The following NAALADL2 variants were observed in gnomAD, a reference collection of about 807,000 sequenced individuals.
The protein encoded by NAALADL2 is inactive N-acetylated-alpha-linked acidic dipeptidase-like protein 2.
Under a neutral mutation model 87.2 loss-of-function variants are expected in NAALADL2, and 76 were observed. That is an observed-to-expected ratio of 0.87 (90% CI 0.72 to 1.05). The LOEUF (loss-of-function observed/expected upper bound fraction) is 1.05. Among genes scored for constraint, NAALADL2 ranks in the 50% least tolerant of loss-of-function variants. The pLI is 0.00. For missense variants in NAALADL2, 1,089 were observed against 945.8 expected (o/e 1.15, Z -1.99); for synonymous variants, 354 against 331.0 (o/e 1.07, Z -0.75).
At chr3:174,443,460 C>T (rs73881157) in intron 1 of NAALADL2, among the ~76,000 whole-genome samples, 2,190 of 152,222 alleles carry the variant, frequency 0.014, 51 homozygotes, top group African/African-American at 0.05. Context: ...TTGGAAAGAA[C>T]AGGAAGAAGA....
At chr3:174,855,118 C>T (rs1243828426), upstream of NAALADL2, among the ~76,000 whole-genome samples, 2 of 152,164 alleles carry the variant, frequency 1.3e-5, no homozygotes, top group South Asian at 2.1e-4. Flanking sequence ...GGATTACAGG[C>T]GTGAGTCACT....
chr3:175,771,011 T>A (rs1378323014), intron 13 of NAALADL2, among the ~76,000 whole-genome samples: 3 of 152,202 alleles, frequency 2.0e-5, no homozygotes, highest in Non-Finnish European at 4.4e-5. Flanking sequence ...GAATATCACA[T>A]GGGTGAATAG....
chr3:175,667,235 GAAAGAAAAAGA>G (rs768154077), intron 11 of NAALADL2, among the ~76,000 whole-genome samples: 1 of 112,548 alleles, frequency 8.9e-6, no homozygotes, highest in African/African-American at 4.5e-5. Flanking sequence ...AAGAAAGAAA[GAAAGAAAAAGA>G]AAGAAAGAAA....
At chr3:175,662,804 T>A (rs1732440462) in intron 11 of NAALADL2, among the ~76,000 whole-genome samples, 1 of 152,026 alleles carries the variant, frequency 6.6e-6, no homozygotes, top group South Asian at 2.1e-4. Context: ...TTCATTGATT[T>A]GTATATGTTG....
At chr3:175,621,879 A>G (rs901477932) in intron 10 of NAALADL2, among the ~76,000 whole-genome samples, 1 of 152,122 alleles carries the variant, frequency 6.6e-6, no homozygotes, top group Non-Finnish European at 1.5e-5. Flanking sequence ...AACTGTACCT[A>G]AGTAGACACT....
At chr3:174,928,083 AAGTC>A (rs1454985133) in intron 1 of NAALADL2, among the ~76,000 whole-genome samples, 1 of 152,182 alleles carries the variant, frequency 6.6e-6, no homozygotes, top group Admixed American at 6.5e-5. Flanking sequence ...AAAGAGAAAA[AAGTC>A]AGGAAATACA....
At chr3:175,133,722 G>A (rs1184950707) in intron 2 of NAALADL2, among the ~76,000 whole-genome samples, 2 of 152,090 alleles carry the variant, frequency 1.3e-5, no homozygotes, top group Non-Finnish European at 1.5e-5. Context: ...GAAAGAGAGG[G>A]AGAGGGAGAC....
chr3:174,817,462 C>T (rs1414187659), intron 3 of NAALADL2, among the ~76,000 whole-genome samples: 1 of 152,024 alleles, frequency 6.6e-6, no homozygotes, highest in Admixed American at 6.6e-5. Context: ...ATTAGACAGG[C>T]ACGGTGCCAC....
chr3:174,928,365 G>C (rs763200072), intron 1 of NAALADL2, among the ~76,000 whole-genome samples: 3 of 151,952 alleles, frequency 2.0e-5, no homozygotes, highest in Admixed American at 2.0e-4. Flanking sequence ...TCATCCTCTC[G>C]AGTACCTGGG....
At chr3:175,158,798 T>C (rs894200195) in intron 2 of NAALADL2, among the ~76,000 whole-genome samples, 4 of 152,052 alleles carry the variant, frequency 2.6e-5, no homozygotes, top group African/African-American at 9.7e-5. Flanking sequence ...TTCTTGAAAT[T>C]GTCAGAAAAT....
intron 2 of NAALADL2, among the ~76,000 whole-genome samples, chr3:175,223,486 G>A (rs34826322): frequency 1.3e-5 from 2 of 152,000 alleles, no homozygotes; most frequent in African/African-American, 4.8e-5. Context: ...GGCTGAATGA[G>A]AGAGTTCATT....
chr3:174,947,180 ATAT>A (rs1049183449), intron 1 of NAALADL2, among the ~76,000 whole-genome samples: 17 of 152,132 alleles, frequency 1.1e-4, no homozygotes, highest in African/African-American at 4.1e-4. Context: ...TGATTTTTCT[ATAT>A]TATAGTTATT....
intron 11 of NAALADL2, among the ~76,000 whole-genome samples, chr3:175,729,913 A>T (rs560691749): frequency 7.9e-5 from 12 of 152,094 alleles, no homozygotes; most frequent in Admixed American, 1.3e-4. Flanking sequence ...GAGGACATTT[A>T]AAAAAATCCC....
chr3:174,683,963 T>G lies in NAALADL2; in HGVS notation c.-114-53678T>G, dbSNP rs145456786. 4.1e-3 allele frequency among the ~76,000 whole-genome samples: 624 copies of G among 152,120 alleles called. 4 individuals carry two copies. Among genetic ancestry groups the G allele is most frequent in the African/African-American group, 0.014 (597 of 41,554 alleles). On this transcript the variant is annotated intron_variant, in intron 2 of 3. Coordinates refer to the NAALADL2 transcript ENST00000434257. ...AAAAGAAACATTTATATTCATTTAA[T>G]TTTTAATTTAACTTTTATTAGTTTT...
chr3:174,793,743 A>G (rs987509431), intron 3 of NAALADL2, among the ~76,000 whole-genome samples: 3 of 151,980 alleles, frequency 2.0e-5, no homozygotes, highest in African/African-American at 7.2e-5. Flanking sequence ...TGTCCTTTAA[A>G]TAATTCTATC....
intron 1 of NAALADL2, among the ~76,000 whole-genome samples, chr3:175,086,944 A>C (rs1019048953): frequency 2.0e-5 from 3 of 152,158 alleles, no homozygotes; most frequent in Admixed American, 1.3e-4. Flanking sequence ...CATAAAGTTT[A>C]CTTACAGAAA....
chr3:174,744,015 T>C (rs186527545), intron 3 of NAALADL2, among the ~76,000 whole-genome samples: 1 of 152,016 alleles, frequency 6.6e-6, no homozygotes, highest in Admixed American at 6.6e-5. Context: ...AGTTTATACA[T>C]TGATTAAGTT....
At chr3:175,662,197 G>T (rs1032061404) in intron 11 of NAALADL2, among the ~76,000 whole-genome samples, 1 of 151,568 alleles carries the variant, frequency 6.6e-6, no homozygotes, top group Non-Finnish European at 1.5e-5. Context: ...TCCTTGCAGC[G>T]ATCTTTTATT....
intron 3 of NAALADL2, among the ~76,000 whole-genome samples, chr3:175,240,105 G>A (rs1746577930): frequency 6.6e-6 from 1 of 152,044 alleles, no homozygotes. Flanking sequence ...GGAAGAAAAT[G>A]CCTAGGCCAG....
Sources: allele counts gnomAD v4.1 joint callset (sites outside exome capture counted in the v4.1 genomes callset), GRCh38; gene constraint gnomAD v4.1.1; transcripts MANE v1.5; gene names NCBI Gene and HGNC (gene_info 2026-07-23, HGNC 2026-07-21).